The following MYO7B variants were observed in gnomAD, a reference collection of about 807,000 sequenced individuals.
MYO7B encodes the protein unconventional myosin-VIIb.
A neutral mutation model predicts 259.7 loss-of-function variants in MYO7B; 212 were observed. The observed-to-expected ratio is 0.82, with a 90% CI of 0.73 to 0.91. The LOEUF is 0.91. Ranked by LOEUF, MYO7B falls within the 40% of genes least tolerant of loss-of-function variation. The pLI, the probability that MYO7B is intolerant of heterozygous loss-of-function variation, is 0.00. For missense variants in MYO7B, 2,732 were observed against 2,813.5 expected, an observed-to-expected ratio of 0.97 and a Z score of 0.66; for synonymous variants, 1,197 against 1,166.4, an observed-to-expected ratio of 1.03 and a Z score of -0.54.
chr2:127,553,587 T>C (rs1693532973), intron 1 of MYO7B, among the ~76,000 whole-genome samples: 5 of 152,282 alleles, frequency 3.3e-5, no homozygotes. Context: ...GCAGAGCTAC[T>C]GATTTGTGTA....
chr2:127,593,119 C>G (rs1573666643), intron 17 of MYO7B, among the ~76,000 whole-genome samples, 173 bp downstream of exon 17: 1 of 152,296 alleles, frequency 6.6e-6, no homozygotes, highest in East Asian at 1.9e-4. Context: ...CTCTCCCTCT[C>G]CCAGCGCCGC....
intron 6 of MYO7B, 73 bp from the exon 7 acceptor site, chr2:127,573,847 T>A: frequency 6.3e-7 from 1 of 1,585,422 alleles, no homozygotes; most frequent in Non-Finnish European, 8.6e-7. Context: ...TGAGAAGCCC[T>A]CTTACATGAT....
In MYO7B at chr2:127,564,281, G is replaced by T; in HGVS notation, c.132+15G>T. On this transcript the variant is annotated intron_variant, in intron 3 of 47. Coordinates refer to ENST00000409816, the MANE Select transcript of MYO7B (RefSeq NM_001393586.1). ...ACGAGGGCAAGGTCAGTGTTCTGGG[G>T]TTTCCTCTGGGCCCTGCCCTGCCCT... is the stretch of plus-strand genomic sequence containing the variant. The T allele has an allele frequency of 6.5e-7, 1 of 1,545,362 alleles. No individual in the cohort carries two copies. The highest frequency in any genetic ancestry group is 1.2e-5 in the South Asian group (1 of 83,818).
intron 1 of MYO7B, among the ~76,000 whole-genome samples, chr2:127,553,429 T>G (rs1017077314): frequency 5.9e-5 from 9 of 152,216 alleles, no homozygotes; most frequent in Admixed American, 2.6e-4. Flanking sequence ...TGTCTATGAT[T>G]TCTCTCAGCA....
chr2:127,628,070 A>T lies in MYO7B; in HGVS notation c.4461-302A>T, dbSNP rs747312211. On this transcript the variant is annotated intron_variant, in intron 33 of 47. Coordinates refer to ENST00000409816, the MANE Select transcript of MYO7B (RefSeq NM_001393586.1). The surrounding 1 kb of genome is among the most constrained non-coding windows in gnomAD (Gnocchi z 4.8). ...AAGCACATGGCAGAGCCGGCAGCTC[A>T]TCTCAGCTCTGACCTTTGCAGTGTC... 2 of 580,704 alleles carry T rather than the reference A, an allele frequency of 3.4e-6. No individual in the cohort carries two copies. Among genetic ancestry groups the T allele is most frequent in the South Asian group, 1.5e-5 (1 of 65,690 alleles). 36.0% of individuals were successfully genotyped at this position (580,704 alleles called of 1,614,324 possible). A position where few individuals can be genotyped will look rare whatever the true frequency, so the allele number is the denominator to read the frequency against.
intron 31 of MYO7B, chr2:127,626,069 A>T (rs77558936): frequency 0.022 from 3,292 of 152,672 alleles, 47 homozygotes; most frequent in Admixed American, 0.029. Flanking sequence ...TCTAAGAAAT[A>T]ACGCTGTATT....
intron 7 of MYO7B, 112 bp downstream of exon 7, chr2:127,574,174 A>G: frequency 7.4e-7 from 1 of 1,358,668 alleles, no homozygotes; most frequent in Middle Eastern, 2.6e-4. Context: ...GCCCTCCCAG[A>G]ACCCACAGGC....
At chr2:127,569,708 CTG>C in intron 5 of MYO7B, 79 bp from the exon 6 acceptor site, 1 of 1,512,894 alleles carries the variant, frequency 6.6e-7, no homozygotes, top group Admixed American at 1.9e-5. Context: ...GAAAGCAGGA[CTG>C]GGGTTTGCAG....
rs781708731 is a variant in MYO7B at position 127,634,157 on chromosome 2, C to T, written c.5512-19C>T. 2.5e-6 allele frequency: 4 copies of T among 1,580,906 alleles called. No individual in the cohort carries two copies. The highest frequency in any genetic ancestry group is 1.3e-5 in the African/African-American group (1 of 74,168). On this transcript the variant is annotated intron_variant, in intron 40 of 47. Coordinates refer to ENST00000409816, the MANE Select transcript of MYO7B (RefSeq NM_001393586.1). ...CCCCTAGCCAGGCCCCGGGCCTCAC[C>T]AGCTGCCTCTCTGTCCAGATGCTGG...
intron 2 of MYO7B, among the ~76,000 whole-genome samples, chr2:127,560,667 C>T (rs941109741): frequency 6.6e-5 from 10 of 152,250 alleles, no homozygotes; most frequent in Non-Finnish European, 1.2e-4. Context: ...AGCAGAGGCC[C>T]CAAACCAGCC....
Position 127,627,376 on chromosome 2 carries a change from G to T in MYO7B, c.4460+66G>T. ...CCTTGTGATGCATCTGGGGGCTCGGGGAGAGATGGGGAGAGGGGCAGTGTG... is the reference window on the plus strand; with the variant it reads ...CCTTGTGATGCATCTGGGGGCTCGGTGAGAGATGGGGAGAGGGGCAGTGTG... On this transcript the variant is annotated intron_variant, in intron 33 of 47. Coordinates refer to ENST00000409816, the MANE Select transcript of MYO7B (RefSeq NM_001393586.1). This position sits in a 1 kb window ranked among gnomAD's most constrained non-coding sequence, Gnocchi z 5.6. 1 of 1,536,414 alleles carries T rather than the reference G, an allele frequency of 6.5e-7. No individual in the cohort carries two copies. Among genetic ancestry groups the T allele is most frequent in the South Asian group, 1.2e-5 (1 of 84,954 alleles).
chr2:127,636,975 C>T lies in MYO7B; in HGVS notation c.6327+62C>T, dbSNP rs1287000754. 1.3e-6 allele frequency: 2 copies of T among 1,595,552 alleles called. No individual in the cohort carries two copies. The highest frequency in any genetic ancestry group is 2.7e-5 in the African/African-American group (2 of 74,784). ...GGACAGAGCTGCTGGAGACTGGGTT[C>T]CCCACCCTCACCCCTTTCAAGTGGC... is the stretch of plus-strand genomic sequence containing the variant. On this transcript the variant is annotated intron_variant, in intron 47 of 47. Coordinates refer to ENST00000409816, the MANE Select transcript of MYO7B (RefSeq NM_001393586.1). The surrounding 1 kb of genome is among the most constrained non-coding windows in gnomAD (Gnocchi z 4.5).
chr2:127,632,461 T>TG (rs1681576615), intron 39 of MYO7B, 60 bp downstream of exon 39: 1 of 1,483,752 alleles, frequency 6.7e-7, no homozygotes, highest in Non-Finnish European at 9.0e-7. Context: ...TGGGATGCTG[T>TG]GGGGCCTGGC....
chr2:127,617,734 C>A (rs1680632705), intron 26 of MYO7B, among the ~76,000 whole-genome samples: 1 of 150,786 alleles, frequency 6.6e-6, no homozygotes, highest in Admixed American at 6.6e-5. Flanking sequence ...GATCTCCTGA[C>A]CTCATGATCC....
intron 1 of MYO7B, among the ~76,000 whole-genome samples, chr2:127,536,583 C>A (rs909041311): frequency 1.3e-5 from 2 of 152,004 alleles, no homozygotes; most frequent in Non-Finnish European, 1.5e-5. Flanking sequence ...TCACAGAGGA[C>A]GAAACTTGAG....
chr2:127,588,150 G>A (rs1679373036), intron 14 of MYO7B, among the ~76,000 whole-genome samples: 1 of 152,148 alleles, frequency 6.6e-6, no homozygotes, highest in Non-Finnish European at 1.5e-5. Context: ...TTATATAAGG[G>A]GGTTTGGAGT....
rs1290631060 is a variant in MYO7B at position 127,614,589 on chromosome 2, G to T, written c.3398+1986G>T. Among the ~76,000 whole-genome samples, 1 of 152,132 alleles carries T rather than the reference G, an allele frequency of 6.6e-6. No individual in the cohort carries two copies. The highest frequency in any genetic ancestry group is 6.5e-5 in the Admixed American group (1 of 15,280). On this transcript the variant is annotated intron_variant, in intron 26 of 47. Transcript: ENST00000409816. The surrounding 1 kb of genome is among the most constrained non-coding windows in gnomAD (Gnocchi z 4.6). ...AACTCAATCAACAGGCTCTATTCTA[G>T]TACCCTGGGAGGTGGCAAATGGGCT...
Position 127,625,377 on chromosome 2 carries a change from C to T in MYO7B, c.4057C>T (p.Leu1353=). The T allele has an allele frequency of 5.1e-6, 8 of 1,580,418 alleles. No individual in the cohort carries two copies. The highest frequency in any genetic ancestry group is 5.2e-6 in the Non-Finnish European group (6 of 1,163,996). ...GCCCTGGGCTGTGCAGGAGGAAGAG[C>T]TGGTTGAGCTGCTGGCCCGGCACTG... is the stretch of plus-strand genomic sequence containing the variant. ...GEYSFEKEEE[L]VELLARHCYV... The change falls in exon 31 of 48, where the codon CTG becomes TTG. Residue 1353 remains leucine, a synonymous_variant. Coordinates refer to ENST00000409816, the MANE Select transcript of MYO7B (RefSeq NM_001393586.1).
rs148715226 is a variant in MYO7B, at chr2:127,612,536, C to G, written c.3331C>G (p.Arg1111Gly). 1.3e-6 allele frequency: 2 copies of G among 1,587,994 alleles called. No homozygotes were observed. The highest frequency in any genetic ancestry group is 1.7e-6 in the Non-Finnish European group (2 of 1,167,318). ...ALEPDGLGAD[R>G]PMSNLEKVHF... ...GGAGCCTGATGGCCTTGGTGCAGAC[C>G]GGCCCATGTCCAACCTGGAGAAGGT... The change falls in exon 26 of 48, where the codon CGG (arginine) becomes GGG (glycine). Residue 1111 changes from arginine to glycine, a missense_variant. Physicochemically the swap from Arg to Gly is moderately radical, Grantham distance 125 (BLOSUM62 -2). Transcript: ENST00000409816.
Sources: allele counts gnomAD v4.1 joint callset (sites outside exome capture counted in the v4.1 genomes callset), GRCh38; gene constraint gnomAD v4.1.1; non-coding constraint Gnocchi (gnomAD v3.1); transcripts MANE v1.5; gene names NCBI Gene and HGNC (gene_info 2026-07-23, HGNC 2026-07-21).